Variants in PLPP3 observed in about 807,000 individuals in gnomAD.
The protein encoded by PLPP3 is PAP2 beta.
Under a neutral mutation model 29.6 loss-of-function variants are expected in PLPP3, and 6 were observed. The observed-to-expected ratio is 0.20, with a 90% CI of 0.11 to 0.40. The LOEUF (loss-of-function observed/expected upper bound fraction) is 0.40, where lower values mean the gene tolerates loss of function less well. Among genes scored for constraint, PLPP3 ranks in the 10% least tolerant of loss-of-function variants. The probability of loss-of-function intolerance (pLI) is 1.00; values close to 1 mark genes in which losing one functional copy is unlikely to be tolerated. For missense variants in PLPP3, 308 were observed against 407.7 expected, an observed-to-expected ratio of 0.76 and a Z score of 2.11; for synonymous variants, 152 against 159.7, an observed-to-expected ratio of 0.95 and a Z score of 0.36.
intron 5 of PLPP3, among the ~76,000 whole-genome samples, chr1:56,504,018 C>A (rs1263381711): frequency 6.6e-6 from 1 of 152,126 alleles, no homozygotes; most frequent in African/African-American, 2.4e-5. Flanking sequence ...GTGATCCACC[C>A]ACCTTGGCCT....
In PLPP3 at chr1:56,579,118, A is replaced by T. The variant is rs1332637015; in HGVS notation, c.-102T>A. On this transcript the variant is annotated 5_prime_UTR_variant, in exon 1 of 6. Coordinates refer to ENST00000371250, the MANE Select transcript of PLPP3 (RefSeq NM_003713.5). Reference sequence around the variant, plus strand: ...CGCCTCCTGGCCGAGGCTGCTGCGGATAGTGGCGGGTCGGCCCCGGCTCCG... The same window carrying T: ...CGCCTCCTGGCCGAGGCTGCTGCGGTTAGTGGCGGGTCGGCCCCGGCTCCG... 4.7e-6 allele frequency: 7 copies of T among 1,490,044 alleles called. No homozygotes were observed. The highest frequency in any genetic ancestry group is 1.5e-5 in the African/African-American group (1 of 67,704). The allele number at this position is 1,490,044 out of a possible 1,614,324, so 92.3% of individuals were successfully genotyped here. A position where few individuals can be genotyped will look rare whatever the true frequency, so the allele number is the denominator to read the frequency against.
At chr1:56,552,471 T>C (rs1646046557) in intron 1 of PLPP3, among the ~76,000 whole-genome samples, 1 of 152,188 alleles carries the variant, frequency 6.6e-6, no homozygotes, top group Non-Finnish European at 1.5e-5. Flanking sequence ...TACATATGCA[T>C]ATACCAAGTC....
chr1:56,547,315 A>G lies in PLPP3; in HGVS notation c.140-10203T>C, dbSNP rs529944665. On this transcript the variant is annotated intron_variant, in intron 1 of 5. Transcript: ENST00000371250. ...ACAAATGTGTACTGAATAAATGCAT[A>G]GGAAACAAACCAAAATCTGGAAGAC... Among the ~76,000 whole-genome samples the G allele has an allele frequency of 9.1e-4, 139 of 152,346 alleles. 1 individual carries two copies. The highest frequency in any genetic ancestry group is 6.5e-4 in the Admixed American group (10 of 15,312).
At chr1:56,549,809 T>C (rs1646026549) in intron 1 of PLPP3, among the ~76,000 whole-genome samples, 1 of 152,164 alleles carries the variant, frequency 6.6e-6, no homozygotes, top group Non-Finnish European at 1.5e-5. Flanking sequence ...ATTGAACGAA[T>C]GTTTGGCAGC....
chr1:56,524,238 A>C lies in PLPP3; in HGVS notation c.575+39T>G. 6.2e-7 allele frequency: 1 copy of C among 1,609,124 alleles called. No individual in the cohort carries two copies. Among genetic ancestry groups the C allele is most frequent in the Non-Finnish European group, 8.5e-7 (1 of 1,177,810 alleles). ...TGCTCACTGAACTGCACTGTATGAAAGGGGTCCAGGCTCTGGCCATGCGGA... is the reference window on the plus strand; with the variant it reads ...TGCTCACTGAACTGCACTGTATGAACGGGGTCCAGGCTCTGGCCATGCGGA... On this transcript the variant is annotated intron_variant, in intron 3 of 5. Transcript: ENST00000371250. The surrounding 1 kb of genome is among the most constrained non-coding windows in gnomAD (Gnocchi z 4.3).
At position 56,495,647 on chromosome 1, in the gene PLPP3, C is replaced by T. The variant is rs1023880600; in HGVS notation, c.*904G>A. The T allele has an allele frequency of 4.6e-5, 7 of 152,688 alleles. No individual in the cohort carries two copies. Among genetic ancestry groups the T allele is most frequent in the South Asian group, 2.1e-4 (1 of 4,834 alleles). The allele number at this position is 152,688 out of a possible 1,614,324, so 9.5% of individuals were successfully genotyped here. On this transcript the variant is annotated 3_prime_UTR_variant, in exon 6 of 6. Coordinates refer to ENST00000371250, the MANE Select transcript of PLPP3 (RefSeq NM_003713.5). Reference sequence around the variant, plus strand: ...ATCTGTTGTACAGAAGGCTGCTTTCCGTCAGCTGGTGGCAGACCATGCCTT... The same window carrying T: ...ATCTGTTGTACAGAAGGCTGCTTTCTGTCAGCTGGTGGCAGACCATGCCTT...
At position 56,576,831 on chromosome 1, in the gene PLPP3, CCTT is replaced by C. The variant is rs373883788; in HGVS notation, c.139+2044_139+2046del. On this transcript the variant is annotated intron_variant, in intron 1 of 5. Transcript: ENST00000371250. The stretch of plus-strand genomic sequence containing the variant: ...ACACACATGCATGCATGCACACACA[CCTT>C]TTTTACACCTTCAATGTACAACAGA... Among the ~76,000 whole-genome samples the C allele has an allele frequency of 8.7e-4, 133 of 152,298 alleles. 1 individual carries two copies. The highest frequency in any genetic ancestry group is 2.9e-3 in the African/African-American group (120 of 41,570).
At position 56,518,930 on chromosome 1, in the gene PLPP3, G is replaced by C. The variant is rs1002957952; in HGVS notation, c.633+4893C>G. Among the ~76,000 whole-genome samples, 3 of 152,068 alleles carry C rather than the reference G, an allele frequency of 2.0e-5. No homozygotes were observed. The East Asian group carries it at 5.8e-4, about 30-fold the overall frequency. ...AGATGGTGAGACGTAAGGCTGCAAA[G>C]GGGCATAGGGAGAACAGTGTCAGAG... is the stretch of plus-strand genomic sequence containing the variant. On this transcript the variant is annotated intron_variant, in intron 4 of 5. Transcript: ENST00000371250.
intron 2 of PLPP3, among the ~76,000 whole-genome samples, chr1:56,534,162 T>C (rs759955734): frequency 6.6e-6 from 1 of 152,226 alleles, no homozygotes; most frequent in Admixed American, 6.5e-5. Flanking sequence ...TAGGAGATGA[T>C]ATTTTACTGT....
At chr1:56,520,767 T>A (rs895926045) in intron 4 of PLPP3, among the ~76,000 whole-genome samples, 1 of 151,082 alleles carries the variant, frequency 6.6e-6, no homozygotes, top group Non-Finnish European at 1.5e-5. Flanking sequence ...AAAAATTTGC[T>A]GGGTGTGGTG....
chr1:56,534,610 AC>A (rs1366815069), intron 2 of PLPP3, among the ~76,000 whole-genome samples: 1 of 152,130 alleles, frequency 6.6e-6, no homozygotes, highest in African/African-American at 2.4e-5. Context: ...TCTAATCAGA[AC>A]CGGGTTCTGG....
rs537347853 is a variant in PLPP3 at position 56,553,048 on chromosome 1, C to T, written c.140-15936G>A. On this transcript the variant is annotated intron_variant, in intron 1 of 5. Coordinates refer to ENST00000371250, the MANE Select transcript of PLPP3 (RefSeq NM_003713.5). ...AGCAAATTCAACATGGACATTTCAT[C>T]CTAGGGCCTTCATCAGAGTTTATTG... Among the ~76,000 whole-genome samples the T allele has an allele frequency of 8.5e-5, 13 of 152,286 alleles. 1 individual carries two copies. The South Asian group carries it at 2.7e-3, about 32-fold the overall frequency.
chr1:56,535,965 C>T (rs918209342), intron 2 of PLPP3, among the ~76,000 whole-genome samples: 6 of 152,184 alleles, frequency 3.9e-5, no homozygotes, highest in Non-Finnish European at 5.9e-5. Flanking sequence ...CAATGATCCA[C>T]CTAATTCACA....
At chr1:56,571,732 GGAAA>G (rs1165736546) in intron 1 of PLPP3, among the ~76,000 whole-genome samples, 3 of 152,038 alleles carry the variant, frequency 2.0e-5, no homozygotes, top group Non-Finnish European at 4.4e-5. Flanking sequence ...TAAACAAAAT[GGAAA>G]GAAATGAAAA....
chr1:56,531,321 T>C (rs1220456434), intron 2 of PLPP3, among the ~76,000 whole-genome samples: 1 of 152,202 alleles, frequency 6.6e-6, no homozygotes, highest in Non-Finnish European at 1.5e-5. Flanking sequence ...ATTATTTCCT[T>C]TCCTTGAGGG....
At chr1:56,514,594 T>C (rs1189963287) in intron 4 of PLPP3, among the ~76,000 whole-genome samples, 1 of 152,230 alleles carries the variant, frequency 6.6e-6, no homozygotes, top group Non-Finnish European at 1.5e-5. Flanking sequence ...TGTTCTATAC[T>C]AAATCCTTAT....
Position 56,524,576 on chromosome 1 carries a change from A to T in PLPP3, c.298-22T>A, listed in dbSNP as rs780667335. 1 of 1,597,054 alleles carries T rather than the reference A, an allele frequency of 6.3e-7. No homozygotes were observed. The highest frequency in any genetic ancestry group is 1.1e-5 in the South Asian group (1 of 90,636). On this transcript the variant is annotated intron_variant, in intron 2 of 5. Coordinates refer to ENST00000371250, the MANE Select transcript of PLPP3 (RefSeq NM_003713.5). This position sits in a 1 kb window ranked among gnomAD's most constrained non-coding sequence, Gnocchi z 4.3. ...TGATCTAAAAGGAATCCAACAGGGG[A>T]ATTAGGCAGTATCAAGATTCATCAT... is the stretch of plus-strand genomic sequence containing the variant.
At chr1:56,498,057 A>G (rs192329348) in intron 5 of PLPP3, among the ~76,000 whole-genome samples, 80 of 152,336 alleles carry the variant, frequency 5.3e-4, no homozygotes, top group Non-Finnish European at 1.5e-5. Context: ...TAAAAAAAAA[A>G]AGCTAGGCTA....
In PLPP3 at chr1:56,551,299, C is replaced by CTTTGGTTTGCTTT. The variant is rs1396422800; in HGVS notation, c.140-14188_140-14187insAAAGCAAACCAAA. 1.8e-3 allele frequency among the ~76,000 whole-genome samples: 255 copies of CTTTGGTTTGCTTT among 138,788 alleles called. 4 individuals are homozygous for CTTTGGTTTGCTTT. The highest frequency in any genetic ancestry group is 6.3e-3 in the African/African-American group (236 of 37,526). The allele number at this position is 138,788 out of a possible 152,430, so 91.1% of individuals were successfully genotyped here. On this transcript the variant is annotated intron_variant, in intron 1 of 5. Coordinates refer to ENST00000371250, the MANE Select transcript of PLPP3 (RefSeq NM_003713.5). ...GTTTGGGGTTTGGTTTGGTTCGGTT[C>CTTTGGTTTGCTTT]GGTTCGGTTCGGTTCGGTTCGGTTT... is the stretch of plus-strand genomic sequence containing the variant.
Sources: gnomAD v4.1 joint callset for allele counts (sites outside exome capture counted in the v4.1 genomes callset) on GRCh38, gnomAD v4.1.1 for gene constraint, Gnocchi (gnomAD v3.1) non-coding constraint, MANE v1.5 for transcripts, NCBI Gene and HGNC (gene_info 2026-07-23, HGNC 2026-07-21) for gene names.